The following ARHGAP20 variants were observed in gnomAD, a reference collection of about 807,000 sequenced individuals.
The protein encoded by ARHGAP20 is Rho GTPase activating protein 20, also known as rho GTPase-activating protein 20.
In ARHGAP20, 34 loss-of-function variants were observed where a neutral mutation model predicts 73.7. The observed-to-expected ratio is 0.46, with a 90% CI of 0.35 to 0.61. ARHGAP20 has a LOEUF of 0.61. Ranked by LOEUF, ARHGAP20 falls within the 20% of genes least tolerant of loss-of-function variation. The pLI is 0.00. For synonymous variants in ARHGAP20, 523 were observed against 518.2 expected, an observed-to-expected ratio of 1.01 and a Z score of -0.13; for missense variants, 1,314 against 1,420.9, an observed-to-expected ratio of 0.92 and a Z score of 1.21.
At position 110,577,387 on chromosome 11, in the gene ARHGAP20, T is replaced by G. The variant is rs1237792976; in HGVS notation, c.*1983A>C. 2 of 1,183,896 alleles carry G rather than the reference T, an allele frequency of 1.7e-6. No homozygotes were observed. Among genetic ancestry groups the G allele is most frequent in the Admixed American group, 4.5e-5 (1 of 22,102 alleles). The allele number at this position is 1,183,896 out of a possible 1,614,324, so 73.3% of individuals were successfully genotyped here. ...ACAGGAGTATCTAAGGGAACACAGA[T>G]AGTAGGAATGGTTATTAAAAAACCT... is the stretch of plus-strand genomic sequence containing the variant. On this transcript the variant is annotated 3_prime_UTR_variant, in exon 15 of 15. Coordinates refer to ENST00000683387, the MANE Select transcript of ARHGAP20 (RefSeq NM_001384657.1).
chr11:110,661,312 A>G (rs1949606707), intron 2 of ARHGAP20, among the ~76,000 whole-genome samples: 1 of 152,168 alleles, frequency 6.6e-6, no homozygotes, highest in Admixed American at 6.5e-5. Flanking sequence ...AGGGGAAAAA[A>G]CACAGTGGGG....
chr11:110,586,441 T>C (rs779681940), intron 11 of ARHGAP20, 116 bp from the exon 12 acceptor site: 6 of 482,614 alleles, frequency 1.2e-5, no homozygotes, highest in Non-Finnish European at 2.2e-5. Context: ...TTCTGTGAAC[T>C]ACACAGAGCT....
rs181451636 is a variant in ARHGAP20 at position 110,661,208 on chromosome 11, A to T, written c.188+29339T>A. Among the ~76,000 whole-genome samples the T allele has an allele frequency of 1.9e-3, 290 of 152,250 alleles. 1 individual carries two copies. The highest frequency in any genetic ancestry group is 6.7e-3 in the African/African-American group (280 of 41,556). On this transcript the variant is annotated intron_variant, in intron 2 of 14. Transcript: ENST00000683387. The stretch of plus-strand genomic sequence containing the variant: ...GCAGATAATTATTAAGTCCAAGAGG[A>T]ATTAGTCTATTTCAGTATCCAGGTG...
At chr11:110,638,751 C>T (rs1006310375) in intron 2 of ARHGAP20, among the ~76,000 whole-genome samples, 1 of 151,552 alleles carries the variant, frequency 6.6e-6, no homozygotes, top group East Asian at 1.9e-4. Flanking sequence ...ATCGCAAGGA[C>T]AAAAAACCAA....
intron 1 of ARHGAP20, among the ~76,000 whole-genome samples, chr11:110,702,641 T>C (rs1037745879): frequency 2.0e-5 from 3 of 152,144 alleles, no homozygotes; most frequent in African/African-American, 4.8e-5. Flanking sequence ...AAAACTCCAT[T>C]GTCTCAGCCC....
At chr11:110,711,069 G>A (rs1403100160) in intron 1 of ARHGAP20, among the ~76,000 whole-genome samples, 1 of 151,672 alleles carries the variant, frequency 6.6e-6, no homozygotes, top group Admixed American at 6.6e-5. Flanking sequence ...GGGGAGGCGG[G>A]GGACAGGCAG....
chr11:110,634,191 C>T (rs887319541), intron 2 of ARHGAP20, among the ~76,000 whole-genome samples: 1 of 151,960 alleles, frequency 6.6e-6, no homozygotes, highest in African/African-American at 2.4e-5. Flanking sequence ...GAAAACAGTT[C>T]CAGGAGAATG....
At chr11:110,608,315 C>T (rs754277137) in intron 8 of ARHGAP20, among the ~76,000 whole-genome samples, 3 of 152,074 alleles carry the variant, frequency 2.0e-5, no homozygotes, top group Non-Finnish European at 4.4e-5. Context: ...GTTAACCACA[C>T]TGAATGAAAT....
At chr11:110,639,502 C>A (rs1949037893) in intron 2 of ARHGAP20, among the ~76,000 whole-genome samples, 1 of 151,724 alleles carries the variant, frequency 6.6e-6, no homozygotes, top group African/African-American at 2.4e-5. Context: ...GTTGTAAAAC[C>A]ATTATCACTA....
At chr11:110,587,189 C>T (rs1947692668) in intron 11 of ARHGAP20, among the ~76,000 whole-genome samples, 1 of 152,178 alleles carries the variant, frequency 6.6e-6, no homozygotes, top group African/African-American at 2.4e-5. Flanking sequence ...TGTCCTGGTC[C>T]TACAGAGTTG....
Position 110,578,593 on chromosome 11 carries a change from C to G in ARHGAP20, c.*777G>C. ...TGCATTTCTGAAGAATGTTCCTAGG[C>G]AGAGATACCTTTGAAAGGGTACTGA... On this transcript the variant is annotated 3_prime_UTR_variant, in exon 15 of 15. Coordinates refer to ENST00000683387, the MANE Select transcript of ARHGAP20 (RefSeq NM_001384657.1). 6 of 985,408 alleles carry G rather than the reference C, an allele frequency of 6.1e-6. No individual in the cohort carries two copies. The highest frequency in any genetic ancestry group is 7.2e-6 in the Non-Finnish European group (6 of 829,924). 61.0% of individuals were successfully genotyped at this position (985,408 alleles called of 1,614,324 possible). A position where few individuals can be genotyped will look rare whatever the true frequency, so the allele number is the denominator to read the frequency against.
chr11:110,693,710 T>TA (rs1258512615), intron 1 of ARHGAP20, among the ~76,000 whole-genome samples: 5 of 151,926 alleles, frequency 3.3e-5, no homozygotes, highest in African/African-American at 1.2e-4. Flanking sequence ...AATGAAAACT[T>TA]AGATTTTCTT....
At chr11:110,628,000 G>A (rs976164800) in intron 3 of ARHGAP20, among the ~76,000 whole-genome samples, 8 of 152,116 alleles carry the variant, frequency 5.3e-5, no homozygotes, top group Middle Eastern at 3.4e-3. Context: ...AAACATTGTC[G>A]GCATCCAGTA....
intron 8 of ARHGAP20, among the ~76,000 whole-genome samples, chr11:110,607,254 T>G (rs1470326082): frequency 6.6e-6 from 1 of 152,190 alleles, no homozygotes. Context: ...CTAAAAACAT[T>G]TCATTAATTT....
At chr11:110,648,196 TATATATATATGTAA>T (rs1227955519) in intron 2 of ARHGAP20, among the ~76,000 whole-genome samples, 1 of 87,168 alleles carries the variant, frequency 1.1e-5, no homozygotes. Flanking sequence ...TATGTAAATA[TATATATATATGTAA>T]ATATATATAT....
intron 7 of ARHGAP20, among the ~76,000 whole-genome samples, chr11:110,609,424 A>C (rs1948315583): frequency 6.6e-6 from 1 of 152,194 alleles, no homozygotes; most frequent in Admixed American, 6.5e-5. Flanking sequence ...ATGATTAAAA[A>C]GTAATATCTC....
At chr11:110,705,064 G>C (rs1236827363) in intron 1 of ARHGAP20, among the ~76,000 whole-genome samples, 1 of 152,002 alleles carries the variant, frequency 6.6e-6, no homozygotes, top group African/African-American at 2.4e-5. Flanking sequence ...TTGAAATCTA[G>C]TATATTTTCA....
intron 2 of ARHGAP20, among the ~76,000 whole-genome samples, chr11:110,677,865 C>T (rs190102007): frequency 3.9e-5 from 6 of 152,116 alleles, no homozygotes; most frequent in African/African-American, 9.6e-5. Context: ...CCCAACAATT[C>T]CACTCCTAGT....
chr11:110,624,113 T>A, intron 4 of ARHGAP20, 49 bp downstream of exon 4: 1 of 1,570,302 alleles, frequency 6.4e-7, no homozygotes, highest in East Asian at 2.3e-5. Context: ...TCCTAGAAAT[T>A]ATCATAGTAG....
Sources: gnomAD v4.1 joint callset for allele counts (sites outside exome capture counted in the v4.1 genomes callset) on GRCh38, gnomAD v4.1.1 for gene constraint, MANE v1.5 for transcripts, NCBI Gene and HGNC (gene_info 2026-07-23, HGNC 2026-07-21) for gene names.